Variants in PDXDC1 observed in about 807,000 individuals in gnomAD.
PDXDC1 encodes pyridoxal dependent decarboxylase domain containing 1, also known as pyridoxal-dependent decarboxylase domain-containing protein 1.
Under a neutral mutation model 100.1 loss-of-function variants are expected in PDXDC1, and 42 were observed. That is an observed-to-expected ratio of 0.42 (90% CI 0.33 to 0.54). PDXDC1 has a LOEUF of 0.54. Ranked by LOEUF, PDXDC1 falls within the 20% of genes least tolerant of loss-of-function variation. The pLI is 0.10. For missense variants in PDXDC1, 636 were observed against 979.2 expected (o/e 0.65, Z 4.68); for synonymous variants, 260 against 371.7 (o/e 0.70, Z 3.46).
intron 16 of PDXDC1, chr16:15,125,545 A>G (rs1256588760): frequency 6.3e-7 from 1 of 1,586,602 alleles, no homozygotes; most frequent in Non-Finnish European, 8.6e-7. Flanking sequence ...CTCTAGGGGA[A>G]CCCACCTCTT....
At chr16:15,145,893 G>A in the PDXDC1 span, among the ~76,000 whole-genome samples, 1 of 152,244 alleles carries the variant, frequency 6.6e-6, no homozygotes, top group Non-Finnish European at 1.5e-5. Context: ...GGGCTGGGCT[G>A]CCGTGGCCAC....
At chr16:15,094,451 T>A (rs953624570) in intron 16 of PDXDC1, 1 of 587,050 alleles carries the variant, frequency 1.7e-6, no homozygotes. Flanking sequence ...TGCGTGAGTA[T>A]AAGGAGAGAC....
At chr16:15,019,772 A>G (rs1226841352) in intron 12 of PDXDC1, among the ~76,000 whole-genome samples, 3 of 152,274 alleles carry the variant, frequency 2.0e-5, no homozygotes, top group Non-Finnish European at 4.4e-5. Context: ...AGGTTTCCAC[A>G]TAGGAATTTT....
chr16:15,091,455 T>A, intron 16 of PDXDC1: 6 of 852,570 alleles, frequency 7.0e-6, no homozygotes, highest in Non-Finnish European at 1.1e-5. Context: ...TACTTTAACA[T>A]CAGATGAAAT....
At chr16:15,143,916 G>T (rs552339856), downstream of PDXDC1, among the ~76,000 whole-genome samples, 8 of 152,316 alleles carry the variant, frequency 5.3e-5, no homozygotes, top group East Asian at 1.5e-3. Context: ...GGTCAGCGGC[G>T]GGCGTGTGCC....
At position 15,135,267 on chromosome 16, in the gene PDXDC1, G is replaced by A. The variant is rs571442062; in HGVS notation, c.1400-3612G>A. ...TGTCCAAGGCAAGTGGCCGAGGGGCGGGCGGCACCCACCGTCTGGTTGGTG... is the reference window on the plus strand; with the variant it reads ...TGTCCAAGGCAAGTGGCCGAGGGGCAGGCGGCACCCACCGTCTGGTTGGTG... On this transcript the variant is annotated intron_variant, in intron 16 of 16. Transcript: ENST00000535621. 157 of 1,138,518 alleles carry A rather than the reference G, an allele frequency of 1.4e-4. 1 individual carries two copies. The highest frequency in any genetic ancestry group is 1.3e-3 in the South Asian group (99 of 77,022). The allele number at this position is 1,138,518 out of a possible 1,614,324, so 70.5% of individuals were successfully genotyped here.
chr16:15,101,116 G>C (rs1371878722), intron 16 of PDXDC1, among the ~76,000 whole-genome samples: 1 of 152,168 alleles, frequency 6.6e-6, no homozygotes, highest in Admixed American at 6.5e-5. Context: ...CTATTTTAGA[G>C]CTATCGTAAG....
At chr16:15,089,668 CGG>C (rs2046044340) in intron 16 of PDXDC1, among the ~76,000 whole-genome samples, 1 of 148,928 alleles carries the variant, frequency 6.7e-6, no homozygotes, top group Non-Finnish European at 1.5e-5. Flanking sequence ...GCGGTGGTGG[CGG>C]GCGAGTGTAG....
At chr16:15,044,472 T>G (rs1247470764) in intron 16 of PDXDC1, 3 of 1,046,626 alleles carry the variant, frequency 2.9e-6, no homozygotes, top group Non-Finnish European at 4.5e-6. Flanking sequence ...TGGTCTCACT[T>G]TGAACTTTCA....
intron 7 of PDXDC1, among the ~76,000 whole-genome samples, chr16:15,009,089 T>C (rs1371594687): frequency 1.3e-5 from 2 of 152,294 alleles, no homozygotes; most frequent in Non-Finnish European, 2.9e-5. Flanking sequence ...CTGCTTTAAG[T>C]AGAAACATGG....
At chr16:15,140,741 C>T (rs555335359), downstream of PDXDC1, among the ~76,000 whole-genome samples, 57 of 152,248 alleles carry the variant, frequency 3.7e-4, no homozygotes, top group African/African-American at 1.3e-3. Context: ...TCCACCTCCC[C>T]TCGGCCTCAA....
intron 16 of PDXDC1, chr16:15,135,953 A>G (rs2048328659): frequency 1.9e-6 from 3 of 1,577,048 alleles, no homozygotes; most frequent in Non-Finnish European, 2.6e-6. Context: ...GGGCAGGGCC[A>G]CACGCGCCGG....
chr16:15,126,989 C>T (rs990402758), intron 16 of PDXDC1: 1 of 334,128 alleles, frequency 3.0e-6, no homozygotes, highest in East Asian at 8.0e-5. Context: ...TGTGGTCTTG[C>T]TATGTTGCCC....
At chr16:14,993,452 T>C (rs1199633706) in intron 1 of PDXDC1, among the ~76,000 whole-genome samples, 3 of 152,280 alleles carry the variant, frequency 2.0e-5, no homozygotes, top group African/African-American at 7.2e-5. Flanking sequence ...TTCATCCATG[T>C]CCCTACAAAG....
chr16:15,151,953 A>G, the PDXDC1 span, among the ~76,000 whole-genome samples: 1 of 110,422 alleles, frequency 9.1e-6, no homozygotes, highest in African/African-American at 3.1e-5. Flanking sequence ...AAAAAAAAAA[A>G]CACATGGGTC....
intron 16 of PDXDC1, chr16:15,074,731 T>A: frequency 1.2e-6 from 2 of 1,613,572 alleles, no homozygotes; most frequent in Non-Finnish European, 1.7e-6. Flanking sequence ...ACCATCTACA[T>A]AGCAGACATC....
downstream of PDXDC1, among the ~76,000 whole-genome samples, chr16:15,143,141 G>A (rs1049338161): frequency 1.2e-4 from 19 of 152,152 alleles, no homozygotes; most frequent in African/African-American, 3.4e-4. Flanking sequence ...GGCCCCCAGC[G>A]CCGAGCGTCC....
chr16:15,004,920 CTG>C (rs1489697434), intron 5 of PDXDC1, among the ~76,000 whole-genome samples: 1 of 152,290 alleles, frequency 6.6e-6, no homozygotes, highest in Non-Finnish European at 1.5e-5. Flanking sequence ...GAAAAAAAGT[CTG>C]TAGATATTCA....
chr16:15,094,625 T>A lies in PDXDC1; in HGVS notation c.1400-44254T>A, dbSNP rs2046286718. 1.8e-5 allele frequency: 5 copies of A among 278,998 alleles called. No homozygotes were observed. The South Asian group carries it at 1.9e-4, about 10-fold the overall frequency. 17.3% of individuals were successfully genotyped at this position (278,998 alleles called of 1,614,324 possible). A position where few individuals can be genotyped will look rare whatever the true frequency, so the allele number is the denominator to read the frequency against. On this transcript the variant is annotated intron_variant, in intron 16 of 16. Coordinates refer to the PDXDC1 transcript ENST00000535621. ...GAAGCACTTGTGACTGACCCAGATCTTCACGGAGGAAAGGGGATTCGAACC... is the reference window on the plus strand; with the variant it reads ...GAAGCACTTGTGACTGACCCAGATCATCACGGAGGAAAGGGGATTCGAACC...
Sources: allele counts gnomAD v4.1 joint callset (sites outside exome capture counted in the v4.1 genomes callset), GRCh38; gene constraint gnomAD v4.1.1; transcripts MANE v1.5; gene names NCBI Gene and HGNC (gene_info 2026-07-23, HGNC 2026-07-21).